THSD7B: variants seen among roughly 807,000 people sequenced by gnomAD.
THSD7B encodes the protein thrombospondin type-1 domain-containing protein 7B.
In THSD7B, 138 loss-of-function variants were observed where a neutral mutation model predicts 213.6. That is an observed-to-expected ratio of 0.65 (90% CI 0.56 to 0.74). The LOEUF is 0.74. Among genes scored for constraint, THSD7B ranks in the 30% least tolerant of loss-of-function variants. THSD7B has a pLI of 0.00. For synonymous variants in THSD7B, 742 were observed against 687.0 expected, an observed-to-expected ratio of 1.08 and a Z score of -1.25; for missense variants, 1,931 against 1,991.5, an observed-to-expected ratio of 0.97 and a Z score of 0.58.
chr2:137,027,717 T>C (rs1056652842), intron 2 of THSD7B, among the ~76,000 whole-genome samples: 1 of 152,174 alleles, frequency 6.6e-6, no homozygotes, highest in African/African-American at 2.4e-5. Context: ...TACACCAGTG[T>C]TTGTTCACTG....
intron 12 of THSD7B, among the ~76,000 whole-genome samples, chr2:137,375,875 A>T (rs1428722052): frequency 6.6e-6 from 1 of 152,194 alleles, no homozygotes. Context: ...ATAACAGACG[A>T]TATATTAAAA....
At position 137,103,650 on chromosome 2, in the gene THSD7B, A is replaced by C. The variant is rs545542672; in HGVS notation, c.1199+8529A>C. Among the ~76,000 whole-genome samples the C allele has an allele frequency of 3.3e-5, 5 of 152,262 alleles. No individual in the cohort carries two copies. The South Asian group carries it at 1.0e-3, about 32-fold the overall frequency. On this transcript the variant is annotated intron_variant, in intron 4 of 27. Transcript: ENST00000409968. ...TATTCAGGAGACCCATCTCACATAC[A>C]GACACACATAGGCTGAAAATAAAGG...
intron 15 of THSD7B, among the ~76,000 whole-genome samples, chr2:137,555,264 C>A (rs1680934265): frequency 6.6e-6 from 1 of 152,176 alleles, no homozygotes. Flanking sequence ...GTCCCTGACC[C>A]CCGAGTAGCC....
intron 2 of THSD7B, among the ~76,000 whole-genome samples, chr2:136,967,066 G>C (rs531259248): frequency 2.8e-4 from 42 of 152,202 alleles, no homozygotes; most frequent in African/African-American, 9.2e-4. Context: ...AGCGAATGCT[G>C]TTTCTATTTT....
At chr2:136,872,598 T>C (rs1054482102) in intron 1 of THSD7B, among the ~76,000 whole-genome samples, 3 of 147,950 alleles carry the variant, frequency 2.0e-5, no homozygotes, top group African/African-American at 7.7e-5. Context: ...TTTCTTTCTT[T>C]CTTCCTTTTT....
chr2:137,542,104 A>G (rs768639946), intron 15 of THSD7B, among the ~76,000 whole-genome samples: 4 of 151,778 alleles, frequency 2.6e-5, no homozygotes, highest in Non-Finnish European at 5.9e-5. Flanking sequence ...TCAGAAGCTC[A>G]ACAAACTTTG....
intron 1 of THSD7B, among the ~76,000 whole-genome samples, chr2:136,791,583 T>C (rs1223992970): frequency 6.6e-6 from 1 of 151,472 alleles, no homozygotes; most frequent in East Asian, 1.9e-4. Flanking sequence ...TAATCTACTT[T>C]CTGTTCCTAT....
chr2:136,897,159 T>C (rs1379580616), intron 2 of THSD7B, among the ~76,000 whole-genome samples: 4 of 152,148 alleles, frequency 2.6e-5, no homozygotes, highest in Admixed American at 6.5e-5. Flanking sequence ...TCTCACTGTG[T>C]TGCCTAGAGA....
chr2:137,025,288 A>G (rs1384725405), intron 2 of THSD7B, among the ~76,000 whole-genome samples: 1 of 152,106 alleles, frequency 6.6e-6, no homozygotes, highest in Non-Finnish European at 1.5e-5. Context: ...TTGGCCCCAA[A>G]TGCTCATTCC....
chr2:137,285,122 T>C (rs1683137953), intron 12 of THSD7B, among the ~76,000 whole-genome samples: 1 of 152,178 alleles, frequency 6.6e-6, no homozygotes, highest in Non-Finnish European at 1.5e-5. Flanking sequence ...AGTTAGTTCT[T>C]CTTGTTGAAT....
chr2:137,410,814 G>A (rs1329337855), intron 13 of THSD7B, among the ~76,000 whole-genome samples: 1 of 152,062 alleles, frequency 6.6e-6, no homozygotes, highest in Non-Finnish European at 1.5e-5. Flanking sequence ...AACAAAAGGT[G>A]GAATTATTAG....
chr2:137,016,175 C>T (rs2104838900), intron 2 of THSD7B, among the ~76,000 whole-genome samples: 1 of 152,112 alleles, frequency 6.6e-6, no homozygotes, highest in East Asian at 1.9e-4. Context: ...GAAATTGAGG[C>T]TTGGGGGGTG....
At chr2:137,255,384 G>A (rs898217978) in intron 10 of THSD7B, among the ~76,000 whole-genome samples, 1 of 152,108 alleles carries the variant, frequency 6.6e-6, no homozygotes, top group Non-Finnish European at 1.5e-5. Context: ...AACAAGAAAT[G>A]TATCAGTTTC....
intron 20 of THSD7B, among the ~76,000 whole-genome samples, chr2:137,628,749 A>G (rs1682683592): frequency 6.6e-6 from 1 of 152,226 alleles, no homozygotes; most frequent in Non-Finnish European, 1.5e-5. Flanking sequence ...TATTGTGAAC[A>G]TGGCCCACAG....
At chr2:137,556,967 G>A (rs1358835477) in intron 15 of THSD7B, among the ~76,000 whole-genome samples, 1 of 152,076 alleles carries the variant, frequency 6.6e-6, no homozygotes, top group African/African-American at 2.4e-5. Context: ...AATGGTAAAG[G>A]GATCAATTCA....
chr2:137,192,772 A>G (rs2105016129), intron 7 of THSD7B, among the ~76,000 whole-genome samples: 1 of 152,290 alleles, frequency 6.6e-6, no homozygotes, highest in East Asian at 1.9e-4. Context: ...ATATACAGGA[A>G]AAAAACCATT....
At chr2:136,779,877 G>A (rs1681707006) in intron 1 of THSD7B, among the ~76,000 whole-genome samples, 1 of 152,144 alleles carries the variant, frequency 6.6e-6, no homozygotes, top group African/African-American at 2.4e-5. Flanking sequence ...AGGAGTTGAG[G>A]TCCAGCCTGC....
chr2:137,141,311 A>G (rs1013400856), intron 5 of THSD7B, among the ~76,000 whole-genome samples: 4 of 152,174 alleles, frequency 2.6e-5, no homozygotes, highest in African/African-American at 9.6e-5. Context: ...ATAAGGATAC[A>G]TCTTCTGTAG....
At chr2:136,919,912 C>T (rs1417986493) in intron 2 of THSD7B, among the ~76,000 whole-genome samples, 1 of 152,200 alleles carries the variant, frequency 6.6e-6, no homozygotes, top group Non-Finnish European at 1.5e-5. Context: ...GTGGACCGCA[C>T]ATATCATAAG....
Sources: gnomAD v4.1 joint callset for allele counts (sites outside exome capture counted in the v4.1 genomes callset) on GRCh38, gnomAD v4.1.1 for gene constraint, MANE v1.5 for transcripts, NCBI Gene and HGNC (gene_info 2026-07-23, HGNC 2026-07-21) for gene names.